Variants in SEMA5B observed in about 807,000 individuals in gnomAD.
The protein encoded by SEMA5B is semaphorin 5B.
A neutral mutation model predicts 135.0 loss-of-function variants in SEMA5B; 66 were observed. That is an observed-to-expected ratio of 0.49 (90% CI 0.40 to 0.60). The LOEUF is 0.60. Ranked by LOEUF, SEMA5B falls within the 20% of genes least tolerant of loss-of-function variation. The pLI is 0.00. For synonymous variants in SEMA5B, 690 were observed against 639.5 expected (o/e 1.08, Z -1.19); for missense variants, 1,501 against 1,566.3 (o/e 0.96, Z 0.70).
Position 122,922,396 on chromosome 3 carries a change from G to A in SEMA5B, c.1324C>T (p.Leu442=). 1 of 1,611,734 alleles carries A rather than the reference G, an allele frequency of 6.2e-7. No homozygotes were observed. Among genetic ancestry groups the A allele is most frequent in the Non-Finnish European group, 8.5e-7 (1 of 1,179,198 alleles). ...AGGAAGAGGCGCTGCGCGTCCTGCA[G>A]GCTGCGCTCCGTCAGGTTCTCGTTG... ...GPNENLTERS[L]QDAQRLFLMS... is the part of the protein sequence containing the mutation. Residue 442 remains leucine, a synonymous_variant, in exon 11 of 23, where the codon CTG becomes TTG. Transcript: ENST00000357599.
chr3:122,992,849 G>A (rs1435964825), intron 1 of SEMA5B: 1 of 151,768 alleles, frequency 6.6e-6, no homozygotes, highest in Non-Finnish European at 1.5e-5. Context: ...AAGCAGTCTC[G>A]GGGAAGCCAG....
chr3:122,972,748 T>A (rs960056577), intron 1 of SEMA5B, among the ~76,000 whole-genome samples: 1 of 152,200 alleles, frequency 6.6e-6, no homozygotes, highest in African/African-American at 2.4e-5. Context: ...TCCTTGCTAC[T>A]CTTCACAACC....
intron 7 of SEMA5B, 114 bp downstream of exon 7, chr3:122,928,402 CT>C: frequency 1.5e-6 from 1 of 660,130 alleles, no homozygotes. Flanking sequence ...CCTTTTGTTT[CT>C]GTTTTGGGTG....
At position 122,948,630 on chromosome 3, in the gene SEMA5B, C is replaced by G; in HGVS notation, c.204G>C (p.Ser68=). The G allele has an allele frequency of 1.9e-6, 3 of 1,613,792 alleles. No individual in the cohort carries two copies. Among genetic ancestry groups the G allele is most frequent in the Admixed American group, 1.7e-5 (1 of 59,990 alleles). ...GCAGTGTGAGGCTGGGCAGCAACAGCGAGACAGCCAGGGGGCCTGCAAGCA... is the reference window on the plus strand; with the variant it reads ...GCAGTGTGAGGCTGGGCAGCAACAGGGAGACAGCCAGGGGGCCTGCAAGCA... ...IMVLAGPLAV[S]LLLPSLTLLV... The change falls in exon 3 of 23, where the codon TCG becomes TCC. Residue 68 remains serine (S), a synonymous_variant. Transcript: ENST00000357599.
In SEMA5B at chr3:122,909,215, TTAA is replaced by T. The variant is rs1224553662; in HGVS notation, c.*925_*927del. ...TTTGGAGACTGGATATCATCTTTAA[TTAA>T]TAATGCCACAGCCCAATGTCTTTTT... On this transcript the variant is annotated 3_prime_UTR_variant, in exon 23 of 23. Transcript: ENST00000357599. The T allele has an allele frequency of 1.3e-5, 2 of 152,694 alleles. No homozygotes were observed. The highest frequency in any genetic ancestry group is 4.8e-5 in the African/African-American group (2 of 41,462). The allele number at this position is 152,694 out of a possible 1,614,324, so 9.5% of individuals were successfully genotyped here.
At chr3:122,972,430 A>G (rs1941159409) in intron 1 of SEMA5B, among the ~76,000 whole-genome samples, 1 of 152,170 alleles carries the variant, frequency 6.6e-6, no homozygotes, top group Non-Finnish European at 1.5e-5. Context: ...CTCTCCCCTC[A>G]TCCAGTTATG....
chr3:122,909,179 G>A lies in SEMA5B; in HGVS notation c.*964C>T, dbSNP rs2107597451. The A allele has an allele frequency of 6.5e-6, 1 of 152,758 alleles. No homozygotes were observed. The highest frequency in any genetic ancestry group is 2.1e-4 in the South Asian group (1 of 4,828). The allele number at this position is 152,758 out of a possible 1,614,324, so 9.5% of individuals were successfully genotyped here. ...ATGCAAGAGGAGCCCACGCACAGAT[G>A]CACAGAGACATTTGGAGACTGGATA... is the stretch of plus-strand genomic sequence containing the variant. On this transcript the variant is annotated 3_prime_UTR_variant, in exon 23 of 23. Transcript: ENST00000357599.
At position 122,911,999 on chromosome 3, in the gene SEMA5B, A is replaced by T; in HGVS notation, c.2967T>A (p.Cys989Ter). The change falls in exon 20 of 23, where the codon TGT becomes TGA. Residue 989 changes from cysteine (C) to a stop codon, truncating the protein, a stop_gained. Coordinates refer to ENST00000357599, the MANE Select transcript of SEMA5B (RefSeq NM_001031702.4). LOFTEE classifies it high-confidence loss of function. ...CGCTGGACCCTGGGAGGAGCTCCTCACAGTGCCGGCTTCGGCTCTGGGCTC... is the reference window on the plus strand; with the variant it reads ...CGCTGGACCCTGGGAGGAGCTCCTCTCAGTGCCGGCTTCGGCTCTGGGCTC... ...DDGAQSRSRH[C>*]EELLPGSSAC... is the part of the protein sequence containing the mutation. 6.2e-7 allele frequency: 1 copy of T among 1,613,502 alleles called. No homozygotes were observed. Among genetic ancestry groups the T allele is most frequent in the Non-Finnish European group, 8.5e-7 (1 of 1,179,732 alleles).
At chr3:123,012,471 C>T (rs906762448) in intron 1 of SEMA5B, among the ~76,000 whole-genome samples, 4 of 152,196 alleles carry the variant, frequency 2.6e-5, no homozygotes, top group African/African-American at 4.8e-5. Flanking sequence ...ATGGCCCCTC[C>T]GTCCCTACCC....
intron 11 of SEMA5B, 28 bp downstream of exon 11, chr3:122,922,212 C>T (rs1370722866): frequency 1.9e-6 from 3 of 1,592,534 alleles, no homozygotes; most frequent in Non-Finnish European, 2.6e-6. Context: ...CCCCGACCTG[C>T]AGTCCAGGTT....
intron 21 of SEMA5B, chr3:122,911,251 G>T: frequency 1.6e-6 from 2 of 1,212,720 alleles, no homozygotes; most frequent in Non-Finnish European, 2.3e-6. Flanking sequence ...CAAGTCAGAG[G>T]TGGCAACCAG....
chr3:122,956,004 C>G (rs1304365174), intron 2 of SEMA5B, among the ~76,000 whole-genome samples: 1 of 152,202 alleles, frequency 6.6e-6, no homozygotes, highest in African/African-American at 2.4e-5. Context: ...GGAGAGGAGA[C>G]ATGTCTCCAG....
At position 122,911,912 on chromosome 3, in the gene SEMA5B, G is replaced by A; in HGVS notation, c.3046+8C>T. On this transcript the variant is annotated splice_region_variant and intron_variant, in intron 20 of 22. Transcript: ENST00000357599. ...GGTTGCTGCGCAGGTGCTGGCAGGG[G>A]TACCTACCGGGAATCTCGCTGTAGG... The A allele has an allele frequency of 1.3e-6, 2 of 1,591,582 alleles. No homozygotes were observed. The highest frequency in any genetic ancestry group is 1.7e-6 in the Non-Finnish European group (2 of 1,165,070).
intron 1 of SEMA5B, among the ~76,000 whole-genome samples, chr3:122,983,706 A>G (rs1411620164): frequency 1.1e-5 from 1 of 90,372 alleles, no homozygotes; most frequent in African/African-American, 8.0e-5. Context: ...CGACAGAGCG[A>G]GACTCGTCTC....
chr3:122,947,068 C>T (rs897155982), intron 3 of SEMA5B, among the ~76,000 whole-genome samples: 1 of 151,816 alleles, frequency 6.6e-6, no homozygotes, highest in Non-Finnish European at 1.5e-5. Flanking sequence ...GCCAATATTG[C>T]CCCCAACAAA....
intron 5 of SEMA5B, among the ~76,000 whole-genome samples, chr3:122,935,601 C>G (rs1010225661): frequency 6.6e-6 from 1 of 151,828 alleles, no homozygotes; most frequent in African/African-American, 2.4e-5. Context: ...ATTCTGGGGC[C>G]CTTCTGAGGA....
chr3:122,955,648 C>T lies in SEMA5B; in HGVS notation c.124+5492G>A, dbSNP rs140403965. ...AGGGTTGTATAGTATCATAGAAAGC[C>T]CTGAGCTTGGGAGGCTGCTCTACCT... On this transcript the variant is annotated intron_variant, in intron 2 of 22. Coordinates refer to ENST00000357599, the MANE Select transcript of SEMA5B (RefSeq NM_001031702.4). 2.0e-5 allele frequency among the ~76,000 whole-genome samples: 3 copies of T among 152,272 alleles called. No homozygotes were observed. In the East Asian group the frequency reaches 5.8e-4, roughly 29 times the overall value.
chr3:123,023,400 A>G (rs949212171), intron 1 of SEMA5B, among the ~76,000 whole-genome samples: 4 of 152,036 alleles, frequency 2.6e-5, no homozygotes, highest in African/African-American at 9.7e-5. Context: ...GAATGAGGCA[A>G]AAGATGGTCC....
intron 1 of SEMA5B, among the ~76,000 whole-genome samples, chr3:122,990,008 G>A (rs1204532591): frequency 1.3e-5 from 2 of 152,180 alleles, no homozygotes; most frequent in East Asian, 3.8e-4. Context: ...TTTAGATGCT[G>A]TTTAGAGATT....
Sources: allele counts gnomAD v4.1 joint callset (sites outside exome capture counted in the v4.1 genomes callset), GRCh38; gene constraint gnomAD v4.1.1; transcripts MANE v1.5; gene names NCBI Gene and HGNC (gene_info 2026-07-23, HGNC 2026-07-21).